PDZRN4: variants seen among roughly 807,000 people sequenced by gnomAD.
PDZRN4 encodes the protein PDZ domain containing ring finger 4.
Under a neutral mutation model 99.0 loss-of-function variants are expected in PDZRN4, and 70 were observed. That is an observed-to-expected ratio of 0.71 (90% CI 0.58 to 0.86). The LOEUF (loss-of-function observed/expected upper bound fraction) is 0.86, where lower values mean the gene tolerates loss of function less well. Among genes scored for constraint, PDZRN4 ranks in the 40% least tolerant of loss-of-function variants. The pLI is 0.00. For synonymous variants in PDZRN4, 551 were observed against 501.6 expected (o/e 1.10, Z -1.32); for missense variants, 1,474 against 1,331.2 (o/e 1.11, Z -1.67).
intron 3 of PDZRN4, among the ~76,000 whole-genome samples, chr12:41,342,503 G>GA (rs1235748556): frequency 1.3e-5 from 2 of 151,656 alleles, no homozygotes; most frequent in Non-Finnish European, 3.0e-5. Context: ...CAACTCCACA[G>GA]AAAAAATATA....
At position 41,188,762 on chromosome 12, in the gene PDZRN4, C is replaced by A; in HGVS notation, c.307C>A (p.His103Asn). Reference sequence around the variant, plus strand: ...GCACGAGCTGGAGGCGCACGTCGAGCACTGCGACTTCGGCCCTGCCCGCCG... The same window carrying A: ...GCACGAGCTGGAGGCGCACGTCGAGAACTGCGACTTCGGCCCTGCCCGCCG... ...RLHELEAHVE[H>N]CDFGPARRLR... Residue 103 changes from histidine (H) to asparagine (N), a missense_variant, in exon 1 of 10, where the codon CAC (histidine) becomes AAC (asparagine). Coordinates refer to ENST00000402685, the MANE Select transcript of PDZRN4 (RefSeq NM_001164595.2). 1 of 1,456,398 alleles carries A rather than the reference C, an allele frequency of 6.9e-7. No homozygotes were observed. The highest frequency in any genetic ancestry group is 9.0e-7 in the Non-Finnish European group (1 of 1,112,096). The allele number at this position is 1,456,398 out of a possible 1,614,324, so 90.2% of individuals were successfully genotyped here. A position where few individuals can be genotyped will look rare whatever the true frequency, so the allele number is the denominator to read the frequency against.
chr12:41,188,762 C>G lies in PDZRN4; in HGVS notation c.307C>G (p.His103Asp), dbSNP rs773834197. 91 of 1,456,294 alleles carry G rather than the reference C, an allele frequency of 6.2e-5. No individual in the cohort carries two copies. Among genetic ancestry groups the G allele is most frequent in the Non-Finnish European group, 7.9e-5 (88 of 1,112,110 alleles). The allele number at this position is 1,456,294 out of a possible 1,614,324, so 90.2% of individuals were successfully genotyped here. A position where few individuals can be genotyped will look rare whatever the true frequency, so the allele number is the denominator to read the frequency against. Residue 103 changes from histidine to aspartate, a missense_variant, in exon 1 of 10, where the codon CAC becomes GAC. Transcript: ENST00000402685. The part of the protein sequence containing the change: ...RLHELEAHVE[H>D]CDFGPARRLR... ...GCACGAGCTGGAGGCGCACGTCGAG[C>G]ACTGCGACTTCGGCCCTGCCCGCCG...
At chr12:41,306,642 C>A (rs1328912429) in intron 3 of PDZRN4, among the ~76,000 whole-genome samples, 1 of 152,148 alleles carries the variant, frequency 6.6e-6, no homozygotes, top group Admixed American at 6.6e-5. Flanking sequence ...GCCGAGAATT[C>A]TCCAAATGTT....
At chr12:41,432,682 A>G (rs1952595179) in intron 3 of PDZRN4, among the ~76,000 whole-genome samples, 1 of 152,234 alleles carries the variant, frequency 6.6e-6, no homozygotes, top group African/African-American at 2.4e-5. Flanking sequence ...TTGTGCCTTC[A>G]AATAGGTAGG....
At chr12:41,211,832 A>G (rs1037459140) in intron 3 of PDZRN4, among the ~76,000 whole-genome samples, 4 of 152,030 alleles carry the variant, frequency 2.6e-5, no homozygotes, top group Non-Finnish European at 4.4e-5. Flanking sequence ...TAACGAGACC[A>G]GAAACCCATC....
At chr12:41,448,622 G>A (rs1414918517) in intron 3 of PDZRN4, among the ~76,000 whole-genome samples, 1 of 152,114 alleles carries the variant, frequency 6.6e-6, no homozygotes, top group East Asian at 1.9e-4. Context: ...AGTGAAAACT[G>A]CATTCACCAA....
chr12:41,424,150 G>A (rs1952514667), intron 3 of PDZRN4, among the ~76,000 whole-genome samples: 1 of 152,136 alleles, frequency 6.6e-6, no homozygotes, highest in Non-Finnish European at 1.5e-5. Flanking sequence ...GCTTGATAAG[G>A]AATTAGCTTA....
chr12:41,416,746 G>T (rs1952448673), intron 3 of PDZRN4, among the ~76,000 whole-genome samples: 1 of 152,176 alleles, frequency 6.6e-6, no homozygotes, highest in South Asian at 2.1e-4. Context: ...ACAGGCGGTT[G>T]CTACAAGGAA....
intron 5 of PDZRN4, among the ~76,000 whole-genome samples, chr12:41,537,688 G>A (rs992886550): frequency 6.6e-6 from 1 of 152,152 alleles, no homozygotes; most frequent in Non-Finnish European, 1.5e-5. Context: ...AGGCAGTAAT[G>A]TACCAGGTGA....
chr12:41,446,570 C>T (rs1404550202), intron 3 of PDZRN4, among the ~76,000 whole-genome samples: 1 of 151,562 alleles, frequency 6.6e-6, no homozygotes, highest in African/African-American at 2.4e-5. Flanking sequence ...GAGCATTTCT[C>T]ACTGAATACC....
chr12:41,567,952 T>A lies in PDZRN4; in HGVS notation c.1584+53T>A, dbSNP rs1939407330. 3.9e-6 allele frequency: 4 copies of A among 1,030,434 alleles called. No individual in the cohort carries two copies. In the Admixed American group the frequency reaches 6.6e-5, roughly 17 times the overall value. 63.8% of individuals were successfully genotyped at this position (1,030,434 alleles called of 1,614,324 possible). A position where few individuals can be genotyped will look rare whatever the true frequency, so the allele number is the denominator to read the frequency against. ...TTTGATATGTTGCTTGTTCTTTTTT[T>A]AATGTGTAACCATAAATGAAGATGA... On this transcript the variant is annotated intron_variant, in intron 9 of 9. Transcript: ENST00000402685.
chr12:41,201,226 C>G (rs1007529825), intron 3 of PDZRN4, among the ~76,000 whole-genome samples: 28 of 150,994 alleles, frequency 1.9e-4, no homozygotes, highest in African/African-American at 6.1e-4. Flanking sequence ...TATGGACAGG[C>G]CTCTCTGCTT....
intron 3 of PDZRN4, among the ~76,000 whole-genome samples, chr12:41,199,553 A>T (rs1402276360): frequency 6.6e-6 from 1 of 152,182 alleles, no homozygotes; most frequent in Non-Finnish European, 1.5e-5. Flanking sequence ...AGACACCTGC[A>T]GTTGTATGTT....
At chr12:41,395,820 A>G (rs1952242201) in intron 3 of PDZRN4, among the ~76,000 whole-genome samples, 1 of 152,178 alleles carries the variant, frequency 6.6e-6, no homozygotes. Flanking sequence ...TTAGCTGAAT[A>G]GTATATTAGG....
chr12:41,283,999 G>T (rs1167318419), intron 3 of PDZRN4, among the ~76,000 whole-genome samples: 1 of 152,200 alleles, frequency 6.6e-6, no homozygotes, highest in East Asian at 1.9e-4. Context: ...GGTATTGGAA[G>T]TTCTGGCCAG....
chr12:41,495,111 A>G (rs772813388), intron 3 of PDZRN4, among the ~76,000 whole-genome samples: 10 of 151,968 alleles, frequency 6.6e-5, no homozygotes, highest in Non-Finnish European at 1.2e-4. Flanking sequence ...GGACCTTAGA[A>G]AGTATAAGTG....
Position 41,550,157 on chromosome 12 carries a change from A to T in PDZRN4, c.1204-2499A>T, listed in dbSNP as rs903505776. On this transcript the variant is annotated intron_variant, in intron 5 of 9. Coordinates refer to ENST00000402685, the MANE Select transcript of PDZRN4 (RefSeq NM_001164595.2). The stretch of plus-strand genomic sequence containing the variant: ...GTTGTTCTAAGCAAACACCAAAGTC[A>T]AAGTACACCATTGAGAATGTGGAGA... Among the ~76,000 whole-genome samples, 4 of 152,308 alleles carry T rather than the reference A, an allele frequency of 2.6e-5. No homozygotes were observed. The South Asian group carries it at 8.3e-4, about 32-fold the overall frequency.
chr12:41,215,740 T>G (rs1051955131), intron 3 of PDZRN4, among the ~76,000 whole-genome samples: 1 of 151,940 alleles, frequency 6.6e-6, no homozygotes, highest in African/African-American at 2.4e-5. Context: ...TCATTTCACC[T>G]CTCATCCTAA....
At chr12:41,414,266 G>A (rs1952424450) in intron 3 of PDZRN4, among the ~76,000 whole-genome samples, 1 of 152,014 alleles carries the variant, frequency 6.6e-6, no homozygotes, top group Non-Finnish European at 1.5e-5. Flanking sequence ...ATTAACCTTA[G>A]GCAGTCTGAT....
Sources: gnomAD v4.1 joint callset for allele counts (sites outside exome capture counted in the v4.1 genomes callset) on GRCh38, gnomAD v4.1.1 for gene constraint, MANE v1.5 for transcripts, NCBI Gene and HGNC (gene_info 2026-07-23, HGNC 2026-07-21) for gene names.